The following FBXL13 variants were observed in gnomAD, a reference collection of about 807,000 sequenced individuals.
FBXL13 encodes the protein F-box and leucine-rich repeat protein 13.
Under a neutral mutation model 83.6 loss-of-function variants are expected in FBXL13, and 67 were observed. That is an observed-to-expected ratio of 0.80 (90% CI 0.66 to 0.98). FBXL13 has a LOEUF of 0.98. FBXL13 is among the 50% of genes least tolerant of loss of function. FBXL13 has a pLI of 0.00. For missense variants in FBXL13, 822 were observed against 866.5 expected, an observed-to-expected ratio of 0.95 and a Z score of 0.64; for synonymous variants, 272 against 299.5, an observed-to-expected ratio of 0.91 and a Z score of 0.95.
intron 1 of FBXL13, among the ~76,000 whole-genome samples, chr7:103,069,677 G>A (rs1798740959): frequency 6.6e-6 from 1 of 152,184 alleles, no homozygotes; most frequent in African/African-American, 2.4e-5. Flanking sequence ...GAGGTCATGA[G>A]CTCTGTACCC....
intron 10 of FBXL13, among the ~76,000 whole-genome samples, chr7:102,924,592 G>A (rs1817692607): frequency 6.6e-6 from 1 of 150,712 alleles, no homozygotes; most frequent in Admixed American, 6.6e-5. Flanking sequence ...AATGGTTAGA[G>A]TCAGAAGATA....
At chr7:102,952,149 T>C (rs372039204) in intron 8 of FBXL13, among the ~76,000 whole-genome samples, 3 of 152,150 alleles carry the variant, frequency 2.0e-5, no homozygotes, top group East Asian at 3.9e-4. Flanking sequence ...ATCAAATTCA[T>C]AGAGATGGAA....
intron 19 of FBXL13, among the ~76,000 whole-genome samples, chr7:102,815,600 G>A (rs1198100036): frequency 3.9e-5 from 6 of 152,124 alleles, no homozygotes; most frequent in Non-Finnish European, 7.3e-5. Context: ...GTTGACTGTA[G>A]TACAAGAGTA....
intron 6 of FBXL13, among the ~76,000 whole-genome samples, chr7:102,980,328 A>G (rs1307832239): frequency 6.6e-5 from 10 of 152,248 alleles, no homozygotes; most frequent in African/African-American, 2.2e-4. Flanking sequence ...GTGATTTTCA[A>G]CAAGTGTGGC....
At chr7:102,959,260 C>A (rs572487977) in intron 8 of FBXL13, among the ~76,000 whole-genome samples, 1 of 152,142 alleles carries the variant, frequency 6.6e-6, no homozygotes, top group East Asian at 1.9e-4. Flanking sequence ...TGCATAATTT[C>A]TTTTTTTCAC....
At chr7:102,933,867 T>C (rs898745841) in intron 8 of FBXL13, 59 of 1,504,230 alleles carry the variant, frequency 3.9e-5, no homozygotes, top group Non-Finnish European at 5.1e-5. Context: ...AATACTTTCA[T>C]TGTTCCGTCT....
intron 1 of FBXL13, among the ~76,000 whole-genome samples, chr7:103,070,076 C>T (rs578177508): frequency 5.8e-5 from 7 of 120,606 alleles, no homozygotes; most frequent in Non-Finnish European, 1.2e-4. Context: ...AAGACTCTGT[C>T]TCAAAAAAAA....
At chr7:102,835,727 A>G (rs1801819522) in intron 17 of FBXL13, among the ~76,000 whole-genome samples, 1 of 134,174 alleles carries the variant, frequency 7.5e-6, no homozygotes, top group Admixed American at 7.8e-5. Flanking sequence ...CTCCTGCCTC[A>G]GCCTCCCAAG....
rs1044723849 is a variant in FBXL13, at chr7:102,843,777, A to T, written c.1720-10803T>A. Among the ~76,000 whole-genome samples the T allele has an allele frequency of 2.0e-5, 3 of 152,200 alleles. No homozygotes were observed. The East Asian group carries it at 5.8e-4, about 29-fold the overall frequency. On this transcript the variant is annotated intron_variant, in intron 17 of 19. Transcript: ENST00000313221. Reference sequence around the variant, plus strand: ...GGCGACAGAGCGAGACTCCGTCTTAATAAAAAAAATAAAATAATAAAAATT... The same window carrying T: ...GGCGACAGAGCGAGACTCCGTCTTATTAAAAAAAATAAAATAATAAAAATT...
At chr7:102,943,147 G>C (rs1489019189) in intron 8 of FBXL13, among the ~76,000 whole-genome samples, 1 of 152,114 alleles carries the variant, frequency 6.6e-6, no homozygotes, top group Middle Eastern at 3.2e-3. Context: ...GACTCTACAG[G>C]AATAGAACCC....
At position 102,968,125 on chromosome 7, in the gene FBXL13, C is replaced by T; in HGVS notation, c.496-8G>A. ...ACTGAGGTAGAAGAAAATCTAAACA[C>T]AAAGAAAAATACACAACTTTGAAAA... On this transcript the variant is annotated splice_polypyrimidine_tract_variant and splice_region_variant and intron_variant, in intron 6 of 19. Coordinates refer to ENST00000313221, the Ensembl canonical transcript of FBXL13. The T allele has an allele frequency of 6.3e-7, 1 of 1,586,672 alleles. No homozygotes were observed. The highest frequency in any genetic ancestry group is 8.6e-7 in the Non-Finnish European group (1 of 1,157,314).
intron 10 of FBXL13, among the ~76,000 whole-genome samples, chr7:102,925,681 C>T (rs1228780558): frequency 6.6e-6 from 1 of 151,846 alleles, no homozygotes; most frequent in Non-Finnish European, 1.5e-5. Flanking sequence ...GTGGCTCACG[C>T]CTGTAATTCC....
At chr7:102,995,704 T>C (rs1001292404) in intron 6 of FBXL13, among the ~76,000 whole-genome samples, 8 of 149,082 alleles carry the variant, frequency 5.4e-5, no homozygotes, top group African/African-American at 1.2e-4. Context: ...GGAGAATCGC[T>C]TGATCCCGGG....
intron 11 of FBXL13, among the ~76,000 whole-genome samples, chr7:102,889,301 A>G (rs148361142): frequency 6.6e-5 from 10 of 152,342 alleles, no homozygotes; most frequent in Non-Finnish European, 1.2e-4. Flanking sequence ...TGAATGAATG[A>G]ATGGATTATC....
chr7:103,037,340 C>G lies in FBXL13; in HGVS notation c.1-7922G>C, dbSNP rs143377032. ...GGGCACAGGCATTGTCTGCCTCTCC[C>G]AAATGATTAAAACTCCAGCCCCTAA... is the stretch of plus-strand genomic sequence containing the variant. On this transcript the variant is annotated intron_variant, in intron 2 of 19. Coordinates refer to ENST00000313221, the Ensembl canonical transcript of FBXL13. Among the ~76,000 whole-genome samples, 364 of 152,284 alleles carry G rather than the reference C, an allele frequency of 2.4e-3. 2 individuals are homozygous for G. The highest frequency in any genetic ancestry group is 2.9e-3 in the Non-Finnish European group (199 of 68,020).
At chr7:103,017,457 A>G (rs888859459) in intron 6 of FBXL13, among the ~76,000 whole-genome samples, 1 of 152,270 alleles carries the variant, frequency 6.6e-6, no homozygotes, top group South Asian at 2.1e-4. Context: ...CGCCAGGAAC[A>G]GAACAAAGCT....
At chr7:103,031,069 G>A (rs938184555) in intron 2 of FBXL13, 4 of 152,180 alleles carry the variant, frequency 2.6e-5, no homozygotes, top group Non-Finnish European at 5.9e-5. Context: ...GGAAAAGCAA[G>A]TTTAAGAGAG....
At chr7:102,993,919 T>TA (rs1477800005) in intron 6 of FBXL13, among the ~76,000 whole-genome samples, 7 of 152,236 alleles carry the variant, frequency 4.6e-5, no homozygotes, top group Non-Finnish European at 8.8e-5. Context: ...AGCCTGTATA[T>TA]AAAAAACCTC....
At chr7:102,937,588 T>A (rs1040837502) in intron 8 of FBXL13, among the ~76,000 whole-genome samples, 1 of 151,816 alleles carries the variant, frequency 6.6e-6, no homozygotes, top group Non-Finnish European at 1.5e-5. Flanking sequence ...TTTATATAAA[T>A]CTAGTGATTC....
Sources: allele counts gnomAD v4.1 joint callset (sites outside exome capture counted in the v4.1 genomes callset), GRCh38; gene constraint gnomAD v4.1.1; transcripts MANE v1.5; gene names NCBI Gene and HGNC (gene_info 2026-07-23, HGNC 2026-07-21).